The following GPC5 variants were observed in gnomAD, a reference collection of about 807,000 sequenced individuals.
GPC5 encodes glypican 5, also known as glypican-5.
Under a neutral mutation model 53.9 loss-of-function variants are expected in GPC5, and 47 were observed. That is an observed-to-expected ratio of 0.87 (90% confidence interval 0.69 to 1.11). The LOEUF is 1.11. Ranked by LOEUF, GPC5 falls within the 50% of genes most tolerant of loss-of-function variation. GPC5 has a pLI of 0.00. For synonymous variants in GPC5, 286 were observed against 263.3 expected (o/e 1.09, Z -0.84); for missense variants, 748 against 713.1 (o/e 1.05, Z -0.56).
intron 7 of GPC5, among the ~76,000 whole-genome samples, chr13:92,573,157 T>C (rs1450765820): frequency 1.3e-5 from 2 of 152,162 alleles, no homozygotes; most frequent in Non-Finnish European, 1.5e-5. Context: ...TCCCTCAAAC[T>C]TTCACTAGCA....
chr13:92,715,144 A>G (rs772024861), intron 7 of GPC5, among the ~76,000 whole-genome samples: 4 of 152,204 alleles, frequency 2.6e-5, no homozygotes, highest in Admixed American at 1.3e-4. Flanking sequence ...GTACGTATAC[A>G]TGTTGCAACG....
intron 7 of GPC5, among the ~76,000 whole-genome samples, chr13:92,597,312 G>T (rs1485653212): frequency 1.3e-5 from 2 of 150,750 alleles, no homozygotes; most frequent in African/African-American, 4.9e-5. Flanking sequence ...CATTCCTAAT[G>T]CTCATTTGGA....
intron 6 of GPC5, among the ~76,000 whole-genome samples, chr13:92,071,439 T>C (rs1246788728): frequency 6.6e-6 from 1 of 152,166 alleles, no homozygotes; most frequent in Admixed American, 6.5e-5. Context: ...AGATCTCTTG[T>C]TCTATAAGCA....
chr13:92,185,156 G>A (rs2042175056), intron 7 of GPC5, among the ~76,000 whole-genome samples: 1 of 152,144 alleles, frequency 6.6e-6, no homozygotes, highest in South Asian at 2.1e-4. Context: ...AAAGTCTGAT[G>A]TGCCAGGGTC....
intron 5 of GPC5, among the ~76,000 whole-genome samples, chr13:91,774,559 T>G (rs2037678505): frequency 6.6e-6 from 1 of 152,124 alleles, no homozygotes; most frequent in African/African-American, 2.4e-5. Context: ...CCGTAAGGAA[T>G]TATAGTGGAT....
chr13:92,160,583 T>A (rs1236205492), intron 7 of GPC5, among the ~76,000 whole-genome samples: 1 of 152,128 alleles, frequency 6.6e-6, no homozygotes, highest in Non-Finnish European at 1.5e-5. Context: ...TGGAAAATCA[T>A]CCCTTGAACC....
At chr13:92,790,239 A>G (rs1876413133) in intron 7 of GPC5, among the ~76,000 whole-genome samples, 1 of 152,130 alleles carries the variant, frequency 6.6e-6, no homozygotes, top group East Asian at 1.9e-4. Context: ...CCTCAGTCCA[A>G]TCAAGTTGAC....
chr13:91,503,112 T>G (rs1220881230), intron 2 of GPC5, among the ~76,000 whole-genome samples: 1 of 152,034 alleles, frequency 6.6e-6, no homozygotes, highest in African/African-American at 2.4e-5. Context: ...TATGCATGCT[T>G]CATTAAAAAA....
intron 6 of GPC5, among the ~76,000 whole-genome samples, chr13:91,953,023 G>A (rs1394592533): frequency 1.3e-5 from 2 of 152,058 alleles, no homozygotes; most frequent in East Asian, 1.9e-4. Context: ...TCCTGGAGAG[G>A]ACAATAAAAA....
At position 92,165,345 on chromosome 13, in the gene GPC5, G is replaced by A. The variant is rs746569959; in HGVS notation, c.1561+20356G>A. ...AAACTGAATGCTTTTAAGAGTTTCCGGTACCAATTTATTGTATTAGTTTGT... is the reference window on the plus strand; with the variant it reads ...AAACTGAATGCTTTTAAGAGTTTCCAGTACCAATTTATTGTATTAGTTTGT... On this transcript the variant is annotated intron_variant, in intron 7 of 7. Coordinates refer to ENST00000377067, the MANE Select transcript of GPC5 (RefSeq NM_004466.6). Among the ~76,000 whole-genome samples, 97 of 152,142 alleles carry A rather than the reference G, an allele frequency of 6.4e-4. 2 individuals are homozygous for A. The highest frequency in any genetic ancestry group is 2.1e-4 in the South Asian group (1 of 4,824).
At chr13:92,038,364 ATAGATAGATAGATAGATAGG>A (rs1410539747) in intron 6 of GPC5, among the ~76,000 whole-genome samples, 2 of 128,310 alleles carry the variant, frequency 1.6e-5, no homozygotes, top group Non-Finnish European at 3.3e-5. Context: ...AGATAGATAG[ATAGATAGATAGATAGATAGG>A]TAGATAGATA....
At chr13:92,052,160 A>G (rs559571050) in intron 6 of GPC5, among the ~76,000 whole-genome samples, 1 of 152,254 alleles carries the variant, frequency 6.6e-6, no homozygotes, top group African/African-American at 2.4e-5. Context: ...AGTGTTAGAG[A>G]TATGTGAGTA....
At chr13:92,305,507 A>G (rs1049866934) in intron 7 of GPC5, among the ~76,000 whole-genome samples, 17 of 152,108 alleles carry the variant, frequency 1.1e-4, no homozygotes, top group Non-Finnish European at 2.4e-4. Context: ...TCCTTCACAC[A>G]GAGTTATTAT....
At chr13:91,806,845 A>G (rs1188881546) in intron 5 of GPC5, among the ~76,000 whole-genome samples, 1 of 152,212 alleles carries the variant, frequency 6.6e-6, no homozygotes, top group Non-Finnish European at 1.5e-5. Context: ...AGGAAAAGCC[A>G]AAACAAATGA....
intron 7 of GPC5, among the ~76,000 whole-genome samples, chr13:92,225,415 A>G (rs758050219): frequency 2.0e-5 from 3 of 152,186 alleles, no homozygotes; most frequent in Non-Finnish European, 4.4e-5. Flanking sequence ...GTGGTTTTTG[A>G]TAAGAATGCC....
At chr13:91,978,638 C>G (rs898966453) in intron 6 of GPC5, among the ~76,000 whole-genome samples, 8 of 152,122 alleles carry the variant, frequency 5.3e-5, no homozygotes, top group Admixed American at 2.6e-4. Context: ...AGAGACAGAG[C>G]CTTGGGAGCT....
chr13:92,182,362 T>C (rs73624807), intron 7 of GPC5, among the ~76,000 whole-genome samples: 17,258 of 152,198 alleles, frequency 0.11, 3,260 homozygotes, highest in African/African-American at 0.39. Flanking sequence ...GTTCAAAATA[T>C]AATCCACTTT....
chr13:91,441,344 C>G (rs775291513), intron 1 of GPC5, among the ~76,000 whole-genome samples: 38 of 152,074 alleles, frequency 2.5e-4, no homozygotes, highest in Non-Finnish European at 4.9e-4. Flanking sequence ...GTATAAAGTT[C>G]CTTTGAATTG....
chr13:92,760,869 G>T (rs1371795561), intron 7 of GPC5, among the ~76,000 whole-genome samples: 5 of 151,958 alleles, frequency 3.3e-5, no homozygotes, highest in Non-Finnish European at 7.4e-5. Flanking sequence ...TTTGTTTCAA[G>T]ATATATTTTA....
Sources: gnomAD v4.1 joint callset for allele counts (sites outside exome capture counted in the v4.1 genomes callset) on GRCh38, gnomAD v4.1.1 for gene constraint, MANE v1.5 for transcripts, NCBI Gene and HGNC (gene_info 2026-07-23, HGNC 2026-07-21) for gene names.